ROR2: variants seen among roughly 807,000 people sequenced by gnomAD.
The protein encoded by ROR2 is ROR family WNT receptor 2.
In ROR2, 33 loss-of-function variants were observed where a neutral mutation model predicts 74.9. That is an observed-to-expected ratio of 0.44 (90% CI 0.33 to 0.59). ROR2 has a LOEUF of 0.59. Among genes scored for constraint, ROR2 ranks in the 20% least tolerant of loss-of-function variants. The probability of loss-of-function intolerance (pLI) is 0.02; values close to 1 mark genes in which losing one functional copy is unlikely to be tolerated. For missense variants in ROR2, 1,216 were observed against 1,313.8 expected (o/e 0.93, Z 1.15); for synonymous variants, 586 against 558.7 (o/e 1.05, Z -0.69).
chr9:91,877,367 G>C (rs948587812), intron 1 of ROR2, among the ~76,000 whole-genome samples: 1 of 152,140 alleles, frequency 6.6e-6, no homozygotes, highest in African/African-American at 2.4e-5. Flanking sequence ...AGCCTGTCAG[G>C]GGGTACATGG....
intron 1 of ROR2, among the ~76,000 whole-genome samples, chr9:91,863,229 T>G (rs571097732): frequency 5.8e-4 from 88 of 152,334 alleles, no homozygotes; most frequent in Non-Finnish European, 1.1e-3. Context: ...TCTCAGTATG[T>G]TGACAAGGCT....
chr9:91,824,978 G>A (rs926587180), intron 1 of ROR2, among the ~76,000 whole-genome samples: 2 of 152,230 alleles, frequency 1.3e-5, no homozygotes, highest in Admixed American at 1.3e-4. Flanking sequence ...AGGAAGGGGG[G>A]CGATCTGGGC....
chr9:91,800,552 CCT>C (rs1398173150), intron 1 of ROR2, among the ~76,000 whole-genome samples: 4 of 151,926 alleles, frequency 2.6e-5, no homozygotes, highest in Non-Finnish European at 4.4e-5. Context: ...CTTTGTGGCC[CCT>C]CTTTCTCTGT....
At chr9:91,784,541 A>G (rs1826730539) in intron 1 of ROR2, among the ~76,000 whole-genome samples, 1 of 152,226 alleles carries the variant, frequency 6.6e-6, no homozygotes, top group Non-Finnish European at 1.5e-5. Context: ...GTCAGAACAC[A>G]GTTGGCTTCA....
intron 1 of ROR2, among the ~76,000 whole-genome samples, chr9:91,869,743 T>C (rs1358768054): frequency 6.6e-6 from 1 of 152,224 alleles, no homozygotes; most frequent in Non-Finnish European, 1.5e-5. Context: ...GCAGTGGCTA[T>C]ACAAAGCTAC....
intron 1 of ROR2, among the ~76,000 whole-genome samples, chr9:91,826,224 A>C (rs1828286599): frequency 6.6e-6 from 1 of 152,172 alleles, no homozygotes; most frequent in African/African-American, 2.4e-5. Flanking sequence ...CATAGGACTG[A>C]ATGTATGGAG....
intron 4 of ROR2, among the ~76,000 whole-genome samples, chr9:91,755,773 T>C (rs1825729742): frequency 6.6e-6 from 1 of 152,252 alleles, no homozygotes; most frequent in South Asian, 2.1e-4. Flanking sequence ...GTATCCTTCC[T>C]GGTGCCCAGG....
chr9:91,904,718 T>G (rs1255918672), intron 1 of ROR2, among the ~76,000 whole-genome samples: 2 of 152,164 alleles, frequency 1.3e-5, no homozygotes, highest in African/African-American at 4.8e-5. Context: ...GCGCCCTGGC[T>G]CCTACGCTCC....
At chr9:91,843,187 G>GCCCTGCA (rs1563994210) in intron 1 of ROR2, among the ~76,000 whole-genome samples, 1 of 152,050 alleles carries the variant, frequency 6.6e-6, no homozygotes, top group East Asian at 1.9e-4. Flanking sequence ...AGTGGCCTGC[G>GCCCTGCA]GCCCTGCAAA....
chr9:91,891,931 C>G (rs1254297056), intron 1 of ROR2, among the ~76,000 whole-genome samples: 1 of 151,848 alleles, frequency 6.6e-6, no homozygotes, highest in African/African-American at 2.4e-5. Flanking sequence ...ACCTGTAGTC[C>G]CAGCTACTTA....
At position 91,735,162 on chromosome 9, in the gene ROR2, T is replaced by A. The variant is rs189716780; in HGVS notation, c.623-1726A>T. The stretch of plus-strand genomic sequence containing the variant: ...TTTCTCCTTCTCCTCACCCTGAGAA[T>A]GTACTGCTTATTTCTGAAAGTGCAA... On this transcript the variant is annotated intron_variant, in intron 5 of 8. Transcript: ENST00000375708. Among the ~76,000 whole-genome samples, 58 of 152,356 alleles carry A rather than the reference T, an allele frequency of 3.8e-4. 1 individual carries two copies. In the East Asian group the frequency reaches 8.3e-3, roughly 22 times the overall value.
At chr9:91,878,893 C>T (rs1463252636) in intron 1 of ROR2, among the ~76,000 whole-genome samples, 1 of 151,988 alleles carries the variant, frequency 6.6e-6, no homozygotes, top group Admixed American at 6.6e-5. Flanking sequence ...CTGGCTAACA[C>T]GGTGAAACCA....
chr9:91,914,572 C>T (rs775506895), intron 1 of ROR2, among the ~76,000 whole-genome samples: 40 of 152,166 alleles, frequency 2.6e-4, no homozygotes, highest in Non-Finnish European at 4.4e-4. Context: ...GGCACAGTGG[C>T]CGCTCCAGGG....
At chr9:91,780,174 G>A (rs969152869) in intron 1 of ROR2, among the ~76,000 whole-genome samples, 4 of 151,860 alleles carry the variant, frequency 2.6e-5, no homozygotes, top group Admixed American at 1.3e-4. Context: ...GGTGGATCAC[G>A]AGACCATCCT....
chr9:91,898,138 G>A (rs1199137232), intron 1 of ROR2, among the ~76,000 whole-genome samples: 2 of 152,190 alleles, frequency 1.3e-5, no homozygotes, highest in Non-Finnish European at 2.9e-5. Context: ...TGGAAAGAAA[G>A]TCTCAAGTGG....
At chr9:91,926,220 A>T (rs1587852225) in intron 1 of ROR2, among the ~76,000 whole-genome samples, 6 of 96,746 alleles carry the variant, frequency 6.2e-5, no homozygotes, top group African/African-American at 2.9e-4. Context: ...TCTCTACTTT[A>T]AAAAAAAAAA....
At chr9:91,904,554 T>C (rs1284532083) in intron 1 of ROR2, among the ~76,000 whole-genome samples, 1 of 152,156 alleles carries the variant, frequency 6.6e-6, no homozygotes, top group Non-Finnish European at 1.5e-5. Flanking sequence ...GGCCCAGCCT[T>C]GTGGAGCAAG....
intron 8 of ROR2, among the ~76,000 whole-genome samples, chr9:91,725,447 G>A (rs550571103): frequency 6.6e-6 from 1 of 152,302 alleles, no homozygotes; most frequent in East Asian, 1.9e-4. Flanking sequence ...GCCAGGCCCA[G>A]GCACCAGCTG....
intron 1 of ROR2, among the ~76,000 whole-genome samples, chr9:91,808,179 G>A (rs1385386797): frequency 6.6e-6 from 1 of 151,962 alleles, no homozygotes; most frequent in Non-Finnish European, 1.5e-5. Flanking sequence ...GAAGTGAGGG[G>A]GTGAAAATCT....
Sources: gnomAD v4.1 joint callset for allele counts (sites outside exome capture counted in the v4.1 genomes callset) on GRCh38, gnomAD v4.1.1 for gene constraint, MANE v1.5 for transcripts, NCBI Gene and HGNC (gene_info 2026-07-23, HGNC 2026-07-21) for gene names.